The following PCDHGC3 variants were observed in gnomAD, a reference collection of about 807,000 sequenced individuals.
PCDHGC3 encodes protocadherin gamma-C3.
Under a neutral mutation model 59.2 loss-of-function variants are expected in PCDHGC3, and 26 were observed. That is an observed-to-expected ratio of 0.44 (90% CI 0.32 to 0.61). PCDHGC3 has a LOEUF of 0.61. Among genes scored for constraint, PCDHGC3 ranks in the 20% least tolerant of loss-of-function variants. The pLI is 0.05. For missense variants in PCDHGC3, 1,080 were observed against 1,221.8 expected (o/e 0.88, Z 1.73); for synonymous variants, 487 against 519.7 (o/e 0.94, Z 0.86).
chr5:141,502,282 C>A (rs187281689), intron 2 of PCDHGC3, among the ~76,000 whole-genome samples: 1 of 151,848 alleles, frequency 6.6e-6, no homozygotes, highest in Non-Finnish European at 1.5e-5. Flanking sequence ...GCATAGATTG[C>A]ATTTGGTTGT....
rs779065098 is a variant in PCDHGC3, at chr5:141,491,758, C to G, written c.2431-3049C>G. The G allele has an allele frequency of 1.9e-6, 3 of 1,578,788 alleles. No individual in the cohort carries two copies. The highest frequency in any genetic ancestry group is 1.7e-4 in the Middle Eastern group (1 of 5,954). ...TGGGGGCGGCACTGGAGAAGCCGCCCGTCCTCATAAGGGATTGAACTTGCA... is the reference window on the plus strand; with the variant it reads ...TGGGGGCGGCACTGGAGAAGCCGCCGGTCCTCATAAGGGATTGAACTTGCA... On this transcript the variant is annotated intron_variant, in intron 1 of 3. Transcript: ENST00000308177. This position sits in a 1 kb window ranked among gnomAD's most constrained non-coding sequence, Gnocchi z 6.9.
At position 141,491,456 on chromosome 5, in the gene PCDHGC3, C is replaced by G; in HGVS notation, c.2431-3351C>G. On this transcript the variant is annotated intron_variant, in intron 1 of 3. Transcript: ENST00000308177. The surrounding 1 kb of genome is among the most constrained non-coding windows in gnomAD (Gnocchi z 6.9). Reference sequence around the variant, plus strand: ...TGCAGGCGCCAGGACTCACCCTCCCCGGACTTCTATAAGCAGTCCAGCCCC... The same window carrying G: ...TGCAGGCGCCAGGACTCACCCTCCCGGGACTTCTATAAGCAGTCCAGCCCC... 1 of 1,614,104 alleles carries G rather than the reference C, an allele frequency of 6.2e-7. No homozygotes were observed. The highest frequency in any genetic ancestry group is 8.5e-7 in the Non-Finnish European group (1 of 1,180,010).
chr5:141,495,973 A>C (rs2099764953), intron 2 of PCDHGC3, among the ~76,000 whole-genome samples: 1 of 146,988 alleles, frequency 6.8e-6, no homozygotes, highest in African/African-American at 2.5e-5. Context: ...TTTCTCTGTT[A>C]CTCTTTCTTT....
intron 2 of PCDHGC3, among the ~76,000 whole-genome samples, chr5:141,496,991 G>T (rs1164558685): frequency 6.6e-6 from 1 of 151,902 alleles, no homozygotes; most frequent in African/African-American, 2.4e-5. Context: ...TTTGAGACCA[G>T]CCTGGCAGCC....
Position 141,478,024 on chromosome 5 carries a change from C to T in PCDHGC3, c.1908C>T (p.Asp636=). 4 of 1,614,188 alleles carry T rather than the reference C, an allele frequency of 2.5e-6. No individual in the cohort carries two copies. Among genetic ancestry groups the T allele is most frequent in the Non-Finnish European group, 3.4e-6 (4 of 1,180,038 alleles). The part of the protein sequence containing the change: ...GQISTARPVQ[D]TDSPRQTLTV... ...TCAGTACTGCCCGTCCAGTCCAAGACACAGATTCACCCAGGCAGACTCTCA... is the reference window on the plus strand; with the variant it reads ...TCAGTACTGCCCGTCCAGTCCAAGATACAGATTCACCCAGGCAGACTCTCA... Residue 636 remains aspartate, a synonymous_variant, in exon 1 of 4, where the codon GAC becomes GAT. Transcript: ENST00000308177.
Position 141,486,572 on chromosome 5 carries a change from A to G in PCDHGC3, c.2430+8026A>G. 1 of 1,613,876 alleles carries G rather than the reference A, an allele frequency of 6.2e-7. No individual in the cohort carries two copies. Among genetic ancestry groups the G allele is most frequent in the Non-Finnish European group, 8.5e-7 (1 of 1,180,002 alleles). ...GTCACATGAGGTGTTTGTTCCTGAG[A>G]ACAATCGCCCAGGGGACCTGCTTTG... is the stretch of plus-strand genomic sequence containing the variant. On this transcript the variant is annotated intron_variant, in intron 1 of 3. Coordinates refer to ENST00000308177, the MANE Select transcript of PCDHGC3 (RefSeq NM_002588.4). This position sits in a 1 kb window ranked among gnomAD's most constrained non-coding sequence, Gnocchi z 5.0.
chr5:141,509,979 T>C (rs908103989), intron 3 of PCDHGC3, among the ~76,000 whole-genome samples: 4 of 152,204 alleles, frequency 2.6e-5, no homozygotes, highest in African/African-American at 7.2e-5. Context: ...CTTCTAACAC[T>C]TGGTTCCCTC....
Position 141,478,269 on chromosome 5 carries a change from A to G in PCDHGC3, c.2153A>G (p.Tyr718Cys). Residue 718 changes from tyrosine (Y) to cysteine (C), a missense_variant, in exon 1 of 4, where the codon TAC becomes TGC. Tyr to Cys is a radical substitution (Grantham distance 194). Coordinates refer to ENST00000308177, the MANE Select transcript of PCDHGC3 (RefSeq NM_002588.4). ...TTCGGAGTAATCATATTCAAAGTTT[A>G]CAAGTGGAAGCAGTCTAGAGACCTA... is the stretch of plus-strand genomic sequence containing the variant. ...TVFGVIIFKVYKWKQSRDLYR... is the reference protein window; with the variant it reads ...TVFGVIIFKVCKWKQSRDLYR... 1 of 1,614,146 alleles carries G rather than the reference A, an allele frequency of 6.2e-7. No homozygotes were observed. The highest frequency in any genetic ancestry group is 8.5e-7 in the Non-Finnish European group (1 of 1,180,040).
At chr5:141,500,411 G>A (rs376320602) in intron 2 of PCDHGC3, among the ~76,000 whole-genome samples, 4 of 151,592 alleles carry the variant, frequency 2.6e-5, no homozygotes, top group East Asian at 2.0e-4. Context: ...GGGTTTCACC[G>A]TGTTAGCCAG....
rs564439931 is a variant in PCDHGC3 at position 141,490,480 on chromosome 5, C to T, written c.2431-4327C>T. On this transcript the variant is annotated intron_variant, in intron 1 of 3. Coordinates refer to ENST00000308177, the MANE Select transcript of PCDHGC3 (RefSeq NM_002588.4). The surrounding 1 kb of genome is among the most constrained non-coding windows in gnomAD (Gnocchi z 5.4). ...GCTGCTAACCAGCCAGCCTTTGGAC[C>T]GGGAGGCCACATCCCACTATATCAT... The T allele has an allele frequency of 3.5e-5, 56 of 1,614,194 alleles. No individual in the cohort carries two copies. Among genetic ancestry groups the T allele is most frequent in the Admixed American group, 1.5e-4 (9 of 60,022 alleles).
At chr5:141,510,272 T>TAA (rs546154379) in intron 3 of PCDHGC3, among the ~76,000 whole-genome samples, 3,403 of 130,344 alleles carry the variant, frequency 0.026, 48 homozygotes, top group East Asian at 0.043. Context: ...GACTCCATCT[T>TAA]AAAAAAAAAA....
intron 2 of PCDHGC3, among the ~76,000 whole-genome samples, 177 bp from the exon 3 acceptor site, chr5:141,505,216 T>C (rs547855353): frequency 1.1e-4 from 17 of 152,234 alleles, no homozygotes; most frequent in Non-Finnish European, 2.9e-5. Context: ...AGGGACTGAC[T>C]TGTGGGATTC....
chr5:141,498,265 T>G (rs2099782779), intron 2 of PCDHGC3, among the ~76,000 whole-genome samples: 2 of 152,010 alleles, frequency 1.3e-5, no homozygotes, highest in Non-Finnish European at 2.9e-5. Context: ...TGTTGAGTTC[T>G]TCAGTAAACT....
intron 2 of PCDHGC3, among the ~76,000 whole-genome samples, chr5:141,497,540 C>CTT (rs754207034): frequency 2.8e-4 from 38 of 134,912 alleles, no homozygotes; most frequent in African/African-American, 8.9e-4. Context: ...TGCAACAAAC[C>CTT]TTTTTTTTTT....
At position 141,476,247 on chromosome 5, in the gene PCDHGC3, G is replaced by C. The variant is rs1439421662; in HGVS notation, c.131G>C (p.Gly44Ala). 1 of 1,614,042 alleles carries C rather than the reference G, an allele frequency of 6.2e-7. No individual in the cohort carries two copies. Among genetic ancestry groups the C allele is most frequent in the Non-Finnish European group, 8.5e-7 (1 of 1,180,010 alleles). ...HYEIPEEREKGFAVGNVVANL... is the reference protein window; with the variant it reads ...HYEIPEEREKAFAVGNVVANL... ...GAGATCCCGGAGGAAAGAGAGAAGG[G>C]TTTCGCTGTGGGCAACGTGGTCGCG... The change falls in exon 1 of 4, where the codon GGT becomes GCT. Residue 44 changes from glycine (G) to alanine (A), a missense_variant. By Grantham distance (60) the Gly-to-Ala change is moderately conservative (BLOSUM62 0). Coordinates refer to ENST00000308177, the MANE Select transcript of PCDHGC3 (RefSeq NM_002588.4). The surrounding 1 kb of genome is among the most constrained non-coding windows in gnomAD (Gnocchi z 7.6).
Position 141,476,024 on chromosome 5 carries a change from C to T in PCDHGC3, c.-93C>T. ...ATCCAGAAAGCCATGTCGGACTCGG[C>T]GCCCAGCGCCCAAGCGCTAACCCGC... On this transcript the variant is annotated 5_prime_UTR_variant, in exon 1 of 4. Coordinates refer to ENST00000308177, the MANE Select transcript of PCDHGC3 (RefSeq NM_002588.4). The surrounding 1 kb of genome is among the most constrained non-coding windows in gnomAD (Gnocchi z 7.6). The T allele has an allele frequency of 1.4e-6, 2 of 1,416,548 alleles. No individual in the cohort carries two copies. Among genetic ancestry groups the T allele is most frequent in the Non-Finnish European group, 9.5e-7 (1 of 1,058,066 alleles). 87.7% of individuals were successfully genotyped at this position (1,416,548 alleles called of 1,614,324 possible).
At position 141,489,380 on chromosome 5, in the gene PCDHGC3, A is replaced by G. The variant is rs753226956; in HGVS notation, c.2431-5427A>G. ...TCTGAGCCGGGGACGCTGGTGGGGA[A>G]TGTTGCTCAGGATCTGGGCTTAAAG... is the stretch of plus-strand genomic sequence containing the variant. On this transcript the variant is annotated intron_variant, in intron 1 of 3. Transcript: ENST00000308177. The surrounding 1 kb of genome is among the most constrained non-coding windows in gnomAD (Gnocchi z 4.5). The G allele has an allele frequency of 1.9e-6, 3 of 1,613,874 alleles. No individual in the cohort carries two copies. Among genetic ancestry groups the G allele is most frequent in the Admixed American group, 1.7e-5 (1 of 60,026 alleles).
At chr5:141,496,400 A>G (rs540108338) in intron 2 of PCDHGC3, among the ~76,000 whole-genome samples, 2 of 152,240 alleles carry the variant, frequency 1.3e-5, no homozygotes, top group East Asian at 3.9e-4. Flanking sequence ...TACCTCCTCA[A>G]TGGTTGAGTA....
At chr5:141,501,312 C>T (rs2099807672) in intron 2 of PCDHGC3, among the ~76,000 whole-genome samples, 1 of 151,778 alleles carries the variant, frequency 6.6e-6, no homozygotes, top group South Asian at 2.1e-4. Context: ...CACACACACA[C>T]ACACACACAC....
Sources: gnomAD v4.1 joint callset for allele counts (sites outside exome capture counted in the v4.1 genomes callset) on GRCh38, gnomAD v4.1.1 for gene constraint, Gnocchi (gnomAD v3.1) non-coding constraint, MANE v1.5 for transcripts, NCBI Gene and HGNC (gene_info 2026-07-23, HGNC 2026-07-21) for gene names.